The following KIF26A variants were observed in gnomAD, a reference collection of about 807,000 sequenced individuals.
KIF26A encodes the protein kinesin-like protein KIF26A.
In KIF26A, 74 loss-of-function variants were observed where a neutral mutation model predicts 126.0. The ratio of observed to expected loss-of-function variants is 0.59; its 90% CI spans 0.49 to 0.71. KIF26A has a LOEUF of 0.71. Ranked by LOEUF, KIF26A falls within the 30% of genes least tolerant of loss-of-function variation. The pLI, the probability that KIF26A is intolerant of heterozygous loss-of-function variation, is 0.00. For missense variants in KIF26A, 2,984 were observed against 2,763.3 expected (o/e 1.08, Z -1.79); for synonymous variants, 1,445 against 1,232.7 (o/e 1.17, Z -3.61).
intron 5 of KIF26A, among the ~76,000 whole-genome samples, chr14:104,167,939 G>T (rs1365913176): frequency 6.6e-6 from 1 of 152,210 alleles, no homozygotes; most frequent in Non-Finnish European, 1.5e-5. Flanking sequence ...ATTCCCAGGG[G>T]TTCAGCTCTC....
At chr14:104,166,337 TG>T (rs1283209938) in intron 4 of KIF26A, among the ~76,000 whole-genome samples, 1 of 152,082 alleles carries the variant, frequency 6.6e-6, no homozygotes, top group African/African-American at 2.4e-5. Context: ...CTGTGCTGGG[TG>T]CCTTGAGTGT....
rs1566862592 is a variant in KIF26A at position 104,169,733 on chromosome 14, AGCGC to A, written c.1114-1989_1114-1986del. Among the ~76,000 whole-genome samples the A allele has an allele frequency of 4.6e-5, 7 of 152,254 alleles. No homozygotes were observed. The South Asian group carries it at 1.4e-3, about 31-fold the overall frequency. On this transcript the variant is annotated intron_variant, in intron 5 of 14. Transcript: ENST00000423312. ...ATCCCTGTCTGGGTGGGTGCTGAGCAGCGCCCTTCCCCCTCCCTGCCTGGGCTAC... is the reference window on the plus strand; with the variant it reads ...ATCCCTGTCTGGGTGGGTGCTGAGCACCTTCCCCCTCCCTGCCTGGGCTAC...
chr14:104,178,842 G>T, intron 13 of KIF26A, 87 bp downstream of exon 13: 4 of 752,178 alleles, frequency 5.3e-6, no homozygotes, highest in Non-Finnish European at 8.4e-6. Context: ...GGGCTCGCCA[G>T]GCCTCTGGGG....
chr14:104,147,802 A>G (rs1001663662), intron 2 of KIF26A, among the ~76,000 whole-genome samples: 1 of 152,186 alleles, frequency 6.6e-6, no homozygotes, highest in Admixed American at 6.5e-5. Flanking sequence ...GTCATGGCCC[A>G]TGGGGTCCTT....
chr14:104,172,420 C>G (rs1274178963), intron 6 of KIF26A, among the ~76,000 whole-genome samples, 155 bp from the exon 7 acceptor site: 2 of 152,230 alleles, frequency 1.3e-5, no homozygotes, highest in South Asian at 2.1e-4. Context: ...TCTGTGCTTT[C>G]CGTGTGCACA....
intron 5 of KIF26A, 59 bp downstream of exon 5, chr14:104,167,107 C>A: frequency 1.4e-6 from 2 of 1,426,436 alleles, no homozygotes; most frequent in Non-Finnish European, 9.2e-7. Flanking sequence ...TCTGAGAAGA[C>A]GCAGGAGGGG....
chr14:104,166,584 A>T (rs1259910728), intron 4 of KIF26A, among the ~76,000 whole-genome samples: 1 of 152,140 alleles, frequency 6.6e-6, no homozygotes, highest in East Asian at 1.9e-4. Context: ...TGCAGAGCAC[A>T]GGGAGGGGCG....
chr14:104,158,120 C>T (rs1170795964), intron 4 of KIF26A, among the ~76,000 whole-genome samples, 178 bp downstream of exon 4: 4 of 152,202 alleles, frequency 2.6e-5, no homozygotes, highest in Admixed American at 6.5e-5. Context: ...GCCGGCCTCT[C>T]GGGCCCCATG....
chr14:104,150,702 G>A (rs1053872140), intron 2 of KIF26A, among the ~76,000 whole-genome samples: 3 of 152,228 alleles, frequency 2.0e-5, no homozygotes, highest in Non-Finnish European at 4.4e-5. Flanking sequence ...CCAACAGGGT[G>A]GCTGCATTGG....
Position 104,176,268 on chromosome 14 carries a change from C to T in KIF26A, c.3480C>T (p.Phe1160=). The T allele has an allele frequency of 6.3e-7, 1 of 1,595,440 alleles. No individual in the cohort carries two copies. Among genetic ancestry groups the T allele is most frequent in the Non-Finnish European group, 8.5e-7 (1 of 1,170,872 alleles). ...CCCTGGGGGATGGAAGCTCTGGGTTCCTGGGGCCAGACAGACCTGACAGTC... is the reference window on the plus strand; with the variant it reads ...CCCTGGGGGATGGAAGCTCTGGGTTTCTGGGGCCAGACAGACCTGACAGTC... ...DGSLGDGSSG[F]LGPDRPDSPG... Residue 1160 remains phenylalanine, a synonymous_variant, in exon 12 of 15, where the codon TTC becomes TTT. Transcript: ENST00000423312.
At position 104,148,355 on chromosome 14, in the gene KIF26A, G is replaced by C. The variant is rs778321844; in HGVS notation, c.289-3660G>C. On this transcript the variant is annotated intron_variant, in intron 2 of 14. Transcript: ENST00000423312. The surrounding 1 kb of genome is among the most constrained non-coding windows in gnomAD (Gnocchi z 4.3). ...TGCAAGTAAAGTATCTGTGTAATTA[G>C]ACCATAAAGAGAAAATTAAAAGTCA... Among the ~76,000 whole-genome samples the C allele has an allele frequency of 1.3e-5, 2 of 152,186 alleles. No individual in the cohort carries two copies. Among genetic ancestry groups the C allele is most frequent in the Non-Finnish European group, 2.9e-5 (2 of 68,042 alleles).
chr14:104,172,343 C>T (rs779624885), intron 6 of KIF26A, among the ~76,000 whole-genome samples: 76 of 152,362 alleles, frequency 5.0e-4, no homozygotes, highest in Admixed American at 7.8e-4. Flanking sequence ...CTGGGCTTTG[C>T]GGGTGTGTGT....
At chr14:104,161,537 C>T (rs867486404) in intron 4 of KIF26A, among the ~76,000 whole-genome samples, 11 of 152,346 alleles carry the variant, frequency 7.2e-5, no homozygotes, top group Admixed American at 3.3e-4. Flanking sequence ...TGACATGAAT[C>T]GATGGCCAGG....
Position 104,171,901 on chromosome 14 carries a change from C to A in KIF26A, c.1292C>A (p.Ala431Asp). 6.4e-7 allele frequency: 1 copy of A among 1,557,746 alleles called. No homozygotes were observed. Among genetic ancestry groups the A allele is most frequent in the Non-Finnish European group, 8.7e-7 (1 of 1,151,706 alleles). The change falls in exon 6 of 15, where the codon GCC (alanine) becomes GAC (aspartate). Residue 431 changes from alanine (A) to aspartate (D), a missense_variant. Transcript: ENST00000423312. ...ACTGCTGCAGTTCCCAAGATGTTTG[C>A]CTTCGATGCCGTCTTCCCCCAGGAC... ...AATAAVPKMF[A>D]FDAVFPQDSE...
At chr14:104,150,752 A>G (rs1464764306) in intron 2 of KIF26A, among the ~76,000 whole-genome samples, 2 of 152,224 alleles carry the variant, frequency 1.3e-5, no homozygotes, top group African/African-American at 2.4e-5. Context: ...CAACATGGCC[A>G]GCCATCGAGC....
chr14:104,171,442 C>T (rs9672046), intron 5 of KIF26A, among the ~76,000 whole-genome samples: 3,457 of 151,742 alleles, frequency 0.023, 109 homozygotes, highest in African/African-American at 0.068. Context: ...CGGAGGCGCC[C>T]GGAGCCCGCC....
Position 104,157,882 on chromosome 14 carries a change from C to T in KIF26A, c.863C>T (p.Pro288Leu), listed in dbSNP as rs1212515304. The T allele has an allele frequency of 1.3e-6, 2 of 1,582,924 alleles. No homozygotes were observed. Among genetic ancestry groups the T allele is most frequent in the South Asian group, 1.1e-5 (1 of 89,058 alleles). ...GGVCTSALVT[P>L]TPGSVGGSTG... The stretch of plus-strand genomic sequence containing the variant: ...GTCTGCACGTCAGCCCTGGTCACCC[C>T]CACCCCGGGCTCGGTGGGGGGCTCC... Residue 288 changes from proline (P) to leucine (L), a missense_variant, in exon 4 of 15, where the codon CCC becomes CTC. Physicochemically the swap from Pro to Leu is moderately conservative, Grantham distance 98. Transcript: ENST00000423312.
intron 5 of KIF26A, among the ~76,000 whole-genome samples, chr14:104,171,209 G>A (rs1451747046): frequency 6.6e-6 from 1 of 152,236 alleles, no homozygotes; most frequent in African/African-American, 2.4e-5. Context: ...CCCTCAGCTG[G>A]CCAGGGTCGG....
chr14:104,176,532 G>A lies in KIF26A; in HGVS notation c.3744G>A (p.Gly1248=). 1.2e-6 allele frequency: 2 copies of A among 1,605,064 alleles called. No homozygotes were observed. Among genetic ancestry groups the A allele is most frequent in the South Asian group, 1.1e-5 (1 of 91,086 alleles). The change falls in exon 12 of 15, where the codon GGG becomes GGA. Residue 1248 remains glycine, a synonymous_variant. Coordinates refer to ENST00000423312, the MANE Select transcript of KIF26A (RefSeq NM_015656.2). Reference sequence around the variant, plus strand: ...AGGACCCATGGCTGCTCCGGGTAGGGGAGTGTGATACCCAGGCAGCTTCTG... The same window carrying A: ...AGGACCCATGGCTGCTCCGGGTAGGAGAGTGTGATACCCAGGCAGCTTCTG... ...LFEDPWLLRV[G]ECDTQAASAG...
Sources: gnomAD v4.1 joint callset for allele counts (sites outside exome capture counted in the v4.1 genomes callset) on GRCh38, gnomAD v4.1.1 for gene constraint, Gnocchi (gnomAD v3.1) non-coding constraint, MANE v1.5 for transcripts, NCBI Gene and HGNC (gene_info 2026-07-23, HGNC 2026-07-21) for gene names.